Variants in AP4E1 observed in about 807,000 individuals in gnomAD.
AP4E1 encodes adaptor related protein complex 4 subunit epsilon 1.
A neutral mutation model predicts 128.2 loss-of-function variants in AP4E1; 56 were observed. That is an observed-to-expected ratio of 0.44 (90% CI 0.35 to 0.55). The LOEUF is 0.55. Among genes scored for constraint, AP4E1 ranks in the 20% least tolerant of loss-of-function variants. The pLI is 0.00. For synonymous variants in AP4E1, 484 were observed against 473.1 expected (o/e 1.02, Z -0.30); for missense variants, 1,324 against 1,307.7 (o/e 1.01, Z -0.19).
At chr15:50,996,891 T>A (rs966946492) in intron 17 of AP4E1, among the ~76,000 whole-genome samples, 2 of 152,222 alleles carry the variant, frequency 1.3e-5, no homozygotes, top group Non-Finnish European at 2.9e-5. Flanking sequence ...CATGAAATCA[T>A]GATTATTATA....
chr15:50,988,417 C>T (rs2064759055), intron 16 of AP4E1, among the ~76,000 whole-genome samples: 1 of 151,874 alleles, frequency 6.6e-6, no homozygotes, highest in Non-Finnish European at 1.5e-5. Context: ...TGGGCTCAGG[C>T]AATTCTCCTG....
At chr15:50,917,145 T>G (rs2141133958) in intron 3 of AP4E1, among the ~76,000 whole-genome samples, 1 of 152,308 alleles carries the variant, frequency 6.6e-6, no homozygotes, top group African/African-American at 2.4e-5. Flanking sequence ...TCTTCTTTGG[T>G]TTGGTTTTGA....
intron 15 of AP4E1, among the ~76,000 whole-genome samples, chr15:50,973,910 C>G (rs1224642632): frequency 1.3e-5 from 2 of 152,090 alleles, no homozygotes; most frequent in Non-Finnish European, 2.9e-5. Context: ...ATCCTGATTT[C>G]AATTATTTGG....
intron 13 of AP4E1, among the ~76,000 whole-genome samples, chr15:50,955,609 T>A (rs1468138380): frequency 6.6e-6 from 1 of 152,222 alleles, no homozygotes; most frequent in Non-Finnish European, 1.5e-5. Context: ...GGTGGCTTGC[T>A]GAACAGTGGG....
At chr15:50,999,030 G>A (rs766696968) in intron 18 of AP4E1, 42 bp from the exon 19 acceptor site, 2 of 1,577,202 alleles carry the variant, frequency 1.3e-6, no homozygotes, top group South Asian at 2.2e-5. Flanking sequence ...AGTCTGTATT[G>A]ATCCCTTCCT....
chr15:50,919,184 C>G (rs565575579), intron 3 of AP4E1, among the ~76,000 whole-genome samples: 3 of 151,314 alleles, frequency 2.0e-5, no homozygotes, highest in South Asian at 2.1e-4. Context: ...GAGCCAAGAT[C>G]ACGCCACTGC....
At chr15:50,972,177 G>A (rs1275236110) in intron 15 of AP4E1, among the ~76,000 whole-genome samples, 1 of 151,444 alleles carries the variant, frequency 6.6e-6, no homozygotes, top group Non-Finnish European at 1.5e-5. Flanking sequence ...GGTGGTGGAC[G>A]TGTAGTATAG....
Position 50,930,978 on chromosome 15 carries a change from T to C in AP4E1, c.869+7T>C. The C allele has an allele frequency of 6.2e-7, 1 of 1,614,080 alleles. No homozygotes were observed. Among genetic ancestry groups the C allele is most frequent in the South Asian group, 1.1e-5 (1 of 91,080 alleles). On this transcript the variant is annotated splice_region_variant and intron_variant, in intron 7 of 20. Transcript: ENST00000261842. Reference sequence around the variant, plus strand: ...TAGGAAAAGATGATCAAAGGTAAACTATTTTCAGTAAGTTTGCTTAATGAC... The same window carrying C: ...TAGGAAAAGATGATCAAAGGTAAACCATTTTCAGTAAGTTTGCTTAATGAC...
chr15:50,955,673 A>G (rs2064212742), intron 13 of AP4E1, among the ~76,000 whole-genome samples: 1 of 152,224 alleles, frequency 6.6e-6, no homozygotes, highest in Non-Finnish European at 1.5e-5. Context: ...AGAGAAAGGC[A>G]GGGACACTGT....
chr15:50,916,841 A>T (rs1391407600), intron 3 of AP4E1, among the ~76,000 whole-genome samples: 1 of 152,040 alleles, frequency 6.6e-6, no homozygotes, highest in Non-Finnish European at 1.5e-5. Flanking sequence ...ACCTTTTGTT[A>T]TCTTTTCATA....
intron 10 of AP4E1, among the ~76,000 whole-genome samples, chr15:50,942,873 G>A (rs2064006721): frequency 6.6e-6 from 1 of 151,838 alleles, no homozygotes; most frequent in Non-Finnish European, 1.5e-5. Context: ...TATAAAAATA[G>A]CAAAGATTTA....
intron 17 of AP4E1, among the ~76,000 whole-genome samples, chr15:50,995,119 C>T (rs1166837502): frequency 1.3e-5 from 2 of 152,148 alleles, no homozygotes; most frequent in Non-Finnish European, 2.9e-5. Flanking sequence ...CCGACCCTTC[C>T]TCTGATACTG....
intron 3 of AP4E1, among the ~76,000 whole-genome samples, chr15:50,920,303 C>T (rs1230474350): frequency 3.7e-4 from 56 of 151,280 alleles, no homozygotes; most frequent in African/African-American, 1.3e-3. Flanking sequence ...TTAGTAGAGA[C>T]GGGGTTTCAC....
At chr15:50,928,679 A>G (rs1340583471) in intron 5 of AP4E1, among the ~76,000 whole-genome samples, 1 of 151,652 alleles carries the variant, frequency 6.6e-6, no homozygotes, top group Non-Finnish European at 1.5e-5. Context: ...GTCTTTTAAA[A>G]ATGGAATTAG....
intron 13 of AP4E1, among the ~76,000 whole-genome samples, chr15:50,952,810 G>T (rs1368839263): frequency 1.3e-5 from 2 of 152,002 alleles, no homozygotes; most frequent in Non-Finnish European, 2.9e-5. Flanking sequence ...TTTTGTTCAG[G>T]TTAAACATTT....
At chr15:50,979,420 T>A (rs1185961976) in intron 15 of AP4E1, among the ~76,000 whole-genome samples, 1 of 152,234 alleles carries the variant, frequency 6.6e-6, no homozygotes, top group Non-Finnish European at 1.5e-5. Context: ...CATACTCTCT[T>A]GCCCTTCTGT....
chr15:50,998,473 T>C (rs1216984905), intron 18 of AP4E1, among the ~76,000 whole-genome samples: 1 of 151,940 alleles, frequency 6.6e-6, no homozygotes, highest in Non-Finnish European at 1.5e-5. Flanking sequence ...CTACTAAAAA[T>C]ACAAAAATTA....
rs750861543 is a variant in AP4E1 at position 50,997,687 on chromosome 15, C to T, written c.2708C>T (p.Ala903Val). 3.1e-6 allele frequency: 5 copies of T among 1,614,012 alleles called. No individual in the cohort carries two copies. Among genetic ancestry groups the T allele is most frequent in the Non-Finnish European group, 4.2e-6 (5 of 1,179,970 alleles). Residue 903 changes from alanine to valine, a missense_variant, in exon 18 of 21, where the codon GCT (alanine) becomes GTT (valine). Coordinates refer to ENST00000261842, the MANE Select transcript of AP4E1 (RefSeq NM_007347.5). ...AASVAKESSL[A>V]SSFLEETTEY... ...TCAGTTGCCAAGGAAAGCTCTTTAG[C>T]TTCATCTTTTTTGGAAGAAACTACT...
chr15:50,998,492 T>C (rs2064912270), intron 18 of AP4E1, among the ~76,000 whole-genome samples: 1 of 152,084 alleles, frequency 6.6e-6, no homozygotes, highest in African/African-American at 2.4e-5. Context: ...TAGCTGGGCA[T>C]GGTGGTACGC....
Sources: allele counts gnomAD v4.1 joint callset (sites outside exome capture counted in the v4.1 genomes callset), GRCh38; gene constraint gnomAD v4.1.1; transcripts MANE v1.5; gene names NCBI Gene and HGNC (gene_info 2026-07-23, HGNC 2026-07-21).